MBNL1: variants seen among roughly 807,000 people sequenced by gnomAD.
MBNL1 encodes muscleblind like splicing regulator 1, also known as muscleblind-like protein 1.
In MBNL1, 8 loss-of-function variants were observed where a neutral mutation model predicts 42.2. The observed-to-expected ratio is 0.19, with a 90% CI of 0.11 to 0.34. The LOEUF is 0.34. MBNL1 is among the 10% of genes least tolerant of loss of function. The probability of loss-of-function intolerance (pLI) is 1.00; values close to 1 mark genes in which losing one functional copy is unlikely to be tolerated. For missense variants in MBNL1, 309 were observed against 495.3 expected (o/e 0.62, Z 3.57); for synonymous variants, 169 against 173.9 (o/e 0.97, Z 0.22).
In MBNL1 at chr3:152,453,447, T is replaced by A. The variant is rs575183676; in HGVS notation, c.962-2095T>A. On this transcript the variant is annotated intron_variant, in intron 6 of 9. Coordinates refer to ENST00000324210, the MANE Select transcript of MBNL1 (RefSeq NM_021038.5). ...CCATTCTGCTCTGCAAATATCTTTG[T>A]AGGAGAAATTGGAAATTGACAAATA... Among the ~76,000 whole-genome samples, 3 of 152,332 alleles carry A rather than the reference T, an allele frequency of 2.0e-5. No individual in the cohort carries two copies. In the East Asian group the frequency reaches 5.8e-4, roughly 29 times the overall value.
At position 152,353,361 on chromosome 3, in the gene MBNL1, G is replaced by T. The variant is rs545925723; in HGVS notation, c.174+52994G>T. Among the ~76,000 whole-genome samples, 5 of 152,282 alleles carry T rather than the reference G, an allele frequency of 3.3e-5. No homozygotes were observed. In the South Asian group the frequency reaches 1.0e-3, roughly 32 times the overall value. On this transcript the variant is annotated intron_variant, in intron 2 of 9. Coordinates refer to ENST00000324210, the MANE Select transcript of MBNL1 (RefSeq NM_021038.5). ...AATCAAACCACCATTTACGCTTAGT[G>T]TCTTTTGGCTAGAATAATGTGCCAC...
At chr3:152,389,447 G>T (rs1351639878) in intron 2 of MBNL1, among the ~76,000 whole-genome samples, 1 of 152,116 alleles carries the variant, frequency 6.6e-6, no homozygotes, top group Non-Finnish European at 1.5e-5. Context: ...TGCATTGTTA[G>T]GTGATTTTGT....
intron 2 of MBNL1, chr3:152,340,381 C>T: frequency 1.1e-6 from 1 of 900,994 alleles, no homozygotes; most frequent in South Asian, 1.7e-5. Flanking sequence ...TGTATACTTG[C>T]CACCTCTGTA....
chr3:152,258,646 G>C (rs1300722443), intron 2 of MBNL1, among the ~76,000 whole-genome samples: 2 of 152,102 alleles, frequency 1.3e-5, no homozygotes, highest in Non-Finnish European at 2.9e-5. Flanking sequence ...TGTCATACTT[G>C]GTATGTATAT....
chr3:152,335,115 C>T (rs568194069), intron 2 of MBNL1: 12 of 1,287,338 alleles, frequency 9.3e-6, no homozygotes, highest in South Asian at 6.2e-5. Flanking sequence ...CTGCAGCAGT[C>T]ACTCAGGAAA....
At chr3:152,325,822 T>G (rs1205395023) in intron 2 of MBNL1, among the ~76,000 whole-genome samples, 1 of 151,638 alleles carries the variant, frequency 6.6e-6, no homozygotes, top group Non-Finnish European at 1.5e-5. Context: ...GATTTCTGTC[T>G]TTTTTGTTTG....
chr3:152,247,754 T>C (rs907018011), intron 2 of MBNL1, among the ~76,000 whole-genome samples: 1 of 152,016 alleles, frequency 6.6e-6, no homozygotes, highest in African/African-American at 2.4e-5. Flanking sequence ...ATATACATTT[T>C]CTAAATATAG....
In MBNL1 at chr3:152,458,215, T is replaced by G. The variant is rs549982249; in HGVS notation, c.1093-1056T>G. On this transcript the variant is annotated intron_variant, in intron 8 of 9. Coordinates refer to ENST00000324210, the MANE Select transcript of MBNL1 (RefSeq NM_021038.5). Reference sequence around the variant, plus strand: ...AATGGTATGAGAAGCTTCATTATGCTTGGAGCACATTTTCGTGCCATTTGC... The same window carrying G: ...AATGGTATGAGAAGCTTCATTATGCGTGGAGCACATTTTCGTGCCATTTGC... 5.0e-6 allele frequency: 8 copies of G among 1,610,518 alleles called. No individual in the cohort carries two copies. The South Asian group carries it at 7.7e-5, about 16-fold the overall frequency.
At chr3:152,412,671 G>A (rs957417221) in intron 2 of MBNL1, among the ~76,000 whole-genome samples, 11 of 152,080 alleles carry the variant, frequency 7.2e-5, no homozygotes, top group African/African-American at 2.7e-4. Flanking sequence ...CCAAACACAC[G>A]TGATTTCTCT....
intron 2 of MBNL1, among the ~76,000 whole-genome samples, chr3:152,371,481 C>CA (rs1040852953): frequency 6.6e-6 from 1 of 152,170 alleles, no homozygotes; most frequent in Non-Finnish European, 1.5e-5. Context: ...CCTGTAATCC[C>CA]AACTACTTGG....
chr3:152,408,407 A>G (rs1010746173), intron 2 of MBNL1, among the ~76,000 whole-genome samples: 2 of 152,160 alleles, frequency 1.3e-5, no homozygotes, highest in Non-Finnish European at 2.9e-5. Context: ...TTATAGTGCT[A>G]TAAAAGCTCT....
chr3:152,456,474 A>C lies in MBNL1; in HGVS notation c.1092+113A>C. 4 of 793,448 alleles carry C rather than the reference A, an allele frequency of 5.0e-6. 1 individual carries two copies. Among genetic ancestry groups the C allele is most frequent in the Non-Finnish European group, 6.7e-6 (3 of 448,962 alleles). 49.2% of individuals were successfully genotyped at this position (793,448 alleles called of 1,614,324 possible). On this transcript the variant is annotated intron_variant, in intron 8 of 9. Transcript: ENST00000324210. ...GGTCAGTGGGAATCGTGTGTACGTG[A>C]GGGCTGTAGAGGGTGCTTTAATAAG...
chr3:152,379,818 A>T (rs974471173), intron 2 of MBNL1, among the ~76,000 whole-genome samples: 1 of 152,102 alleles, frequency 6.6e-6, no homozygotes, highest in African/African-American at 2.4e-5. Context: ...GTCAGAAGAT[A>T]GGTTAAGCTT....
intron 2 of MBNL1, among the ~76,000 whole-genome samples, chr3:152,376,350 T>G (rs2096899559): frequency 6.6e-6 from 1 of 152,202 alleles, no homozygotes; most frequent in South Asian, 2.1e-4. Context: ...CGAGGAAACA[T>G]ACATTGAATT....
intron 2 of MBNL1, among the ~76,000 whole-genome samples, chr3:152,317,058 C>T (rs527897928): frequency 6.1e-4 from 92 of 151,852 alleles, no homozygotes; most frequent in Non-Finnish European, 1.1e-3. Flanking sequence ...TTATAAATAC[C>T]GTTTCCTATG....
chr3:152,424,850 G>A (rs1260795815), intron 3 of MBNL1, among the ~76,000 whole-genome samples: 1 of 152,162 alleles, frequency 6.6e-6, no homozygotes, highest in South Asian at 2.1e-4. Flanking sequence ...ACATGGTGTT[G>A]GGAAAACTGG....
At chr3:152,384,431 T>C (rs1460462608) in intron 2 of MBNL1, among the ~76,000 whole-genome samples, 1 of 152,138 alleles carries the variant, frequency 6.6e-6, no homozygotes, top group Non-Finnish European at 1.5e-5. Context: ...ATATTCAAAC[T>C]AAATTCAAAT....
intron 2 of MBNL1, among the ~76,000 whole-genome samples, chr3:152,393,014 T>C (rs970285905): frequency 2.6e-5 from 4 of 152,208 alleles, no homozygotes; most frequent in African/African-American, 4.8e-5. Flanking sequence ...TGCTATCTTA[T>C]TGCTTCAAGG....
intron 2 of MBNL1, among the ~76,000 whole-genome samples, chr3:152,244,754 T>C (rs906293995): frequency 2.6e-5 from 4 of 152,312 alleles, no homozygotes; most frequent in Middle Eastern, 3.4e-3. Flanking sequence ...ATTTGGATTA[T>C]TAACAAATTT....
Sources: allele counts gnomAD v4.1 joint callset (sites outside exome capture counted in the v4.1 genomes callset), GRCh38; gene constraint gnomAD v4.1.1; transcripts MANE v1.5; gene names NCBI Gene and HGNC (gene_info 2026-07-23, HGNC 2026-07-21).